MAML2: variants seen among roughly 807,000 people sequenced by gnomAD.
MAML2 encodes the protein mastermind-like protein 2.
A neutral mutation model predicts 96.1 loss-of-function variants in MAML2; 22 were observed. The ratio of observed to expected loss-of-function variants is 0.23; its 90% CI spans 0.16 to 0.33. MAML2 has a LOEUF of 0.33. MAML2 is among the 10% of genes least tolerant of loss of function. The pLI, the probability that MAML2 is intolerant of heterozygous loss-of-function variation, is 1.00. For synonymous variants in MAML2, 561 were observed against 521.3 expected (o/e 1.08, Z -1.04); for missense variants, 1,367 against 1,392.4 (o/e 0.98, Z 0.29).
intron 2 of MAML2, among the ~76,000 whole-genome samples, chr11:96,025,659 T>C (rs1858506483): frequency 6.6e-6 from 1 of 152,242 alleles, no homozygotes; most frequent in Admixed American, 6.5e-5. Context: ...GTTCAAGCGA[T>C]TCTCCTGCCT....
chr11:96,280,302 A>T (rs895089994), intron 1 of MAML2, among the ~76,000 whole-genome samples: 1 of 151,526 alleles, frequency 6.6e-6, no homozygotes. Context: ...TTATTTACTC[A>T]TTTTTTTTTA....
intron 1 of MAML2, among the ~76,000 whole-genome samples, chr11:96,291,735 C>T (rs79559991): frequency 1.5e-4 from 23 of 152,228 alleles, no homozygotes; most frequent in Middle Eastern, 3.4e-3. Flanking sequence ...TGTGTGTGCA[C>T]GCACACACAT....
intron 1 of MAML2, among the ~76,000 whole-genome samples, chr11:96,174,031 C>T (rs899842063): frequency 1.7e-4 from 26 of 152,192 alleles, no homozygotes; most frequent in Non-Finnish European, 2.9e-5. Context: ...AATGACTTCA[C>T]AAAAGGCGGC....
intron 1 of MAML2, among the ~76,000 whole-genome samples, chr11:96,173,068 T>A (rs920081056): frequency 6.6e-6 from 1 of 152,202 alleles, no homozygotes; most frequent in African/African-American, 2.4e-5. Flanking sequence ...TTACAAGCCA[T>A]CTCTTGCCAG....
chr11:96,212,030 T>A (rs760519191), intron 1 of MAML2, among the ~76,000 whole-genome samples: 3 of 151,534 alleles, frequency 2.0e-5, no homozygotes, highest in African/African-American at 4.9e-5. Context: ...ATAAAAATGA[T>A]TTGAAAACTG....
At chr11:96,183,037 A>G (rs1042496150) in intron 1 of MAML2, among the ~76,000 whole-genome samples, 1 of 149,126 alleles carries the variant, frequency 6.7e-6, no homozygotes, top group Non-Finnish European at 1.5e-5. Flanking sequence ...AGCTCACTGC[A>G]ACCTCTGCCT....
At chr11:96,000,862 G>A (rs1048293053) in intron 2 of MAML2, among the ~76,000 whole-genome samples, 2 of 152,006 alleles carry the variant, frequency 1.3e-5, no homozygotes, top group East Asian at 1.9e-4. Context: ...AAGTCTATTC[G>A]CTTGAAAGAA....
At chr11:96,240,716 T>C (rs1295169577) in intron 1 of MAML2, among the ~76,000 whole-genome samples, 1 of 152,138 alleles carries the variant, frequency 6.6e-6, no homozygotes, top group Non-Finnish European at 1.5e-5. Context: ...CTGTTCCAAA[T>C]AATTCTCTGA....
At chr11:96,159,407 CTTTT>C (rs760811590) in intron 1 of MAML2, among the ~76,000 whole-genome samples, 5 of 91,120 alleles carry the variant, frequency 5.5e-5, no homozygotes, top group Admixed American at 4.9e-4. Context: ...ACCACTGATT[CTTTT>C]TTTTTTTTTT....
chr11:96,050,271 G>A (rs1258973874), intron 2 of MAML2, among the ~76,000 whole-genome samples: 1 of 152,196 alleles, frequency 6.6e-6, no homozygotes, highest in Admixed American at 6.5e-5. Context: ...GGGACTGTCG[G>A]TAGGGGCTGA....
intron 2 of MAML2, among the ~76,000 whole-genome samples, chr11:96,047,589 C>T (rs903240567): frequency 6.6e-6 from 1 of 152,044 alleles, no homozygotes; most frequent in African/African-American, 2.4e-5. Flanking sequence ...TAATCTCCAT[C>T]AAGTATTAGA....
intron 4 of MAML2, among the ~76,000 whole-genome samples, chr11:95,980,352 A>G (rs1022941905): frequency 1.3e-5 from 2 of 152,066 alleles, no homozygotes; most frequent in Non-Finnish European, 2.9e-5. Context: ...GTTACTGTTT[A>G]CCCCAGGTCC....
intron 1 of MAML2, among the ~76,000 whole-genome samples, chr11:96,149,711 G>C (rs1292632616): frequency 6.6e-6 from 1 of 152,186 alleles, no homozygotes; most frequent in Non-Finnish European, 1.5e-5. Context: ...TCCAGCCCAG[G>C]CGACAGAGTG....
intron 1 of MAML2, among the ~76,000 whole-genome samples, chr11:96,321,753 A>G (rs1292045784): frequency 2.0e-5 from 3 of 152,232 alleles, no homozygotes; most frequent in Non-Finnish European, 4.4e-5. Flanking sequence ...CATATAAAAT[A>G]TGTGTGGCCA....
At chr11:96,075,877 G>A (rs950100808) in intron 2 of MAML2, among the ~76,000 whole-genome samples, 12 of 152,110 alleles carry the variant, frequency 7.9e-5, no homozygotes, top group African/African-American at 7.2e-5. Context: ...TTCAGATAGC[G>A]CCTTGCATAT....
chr11:96,241,614 T>C (rs906366491), intron 1 of MAML2, among the ~76,000 whole-genome samples: 2 of 152,212 alleles, frequency 1.3e-5, no homozygotes, highest in Admixed American at 1.3e-4. Context: ...CCTTGCCCTA[T>C]TGGCTTCTCT....
At chr11:96,025,125 A>G (rs1189735520) in intron 2 of MAML2, among the ~76,000 whole-genome samples, 1 of 152,206 alleles carries the variant, frequency 6.6e-6, no homozygotes, top group Non-Finnish European at 1.5e-5. Context: ...ACTATTCACA[A>G]TAGTAAAGAC....
chr11:96,058,349 G>A (rs1171978756), intron 2 of MAML2, among the ~76,000 whole-genome samples: 6 of 152,064 alleles, frequency 3.9e-5, no homozygotes, highest in East Asian at 1.9e-4. Flanking sequence ...AGATGGAGTC[G>A]CACCCCGTTG....
intron 1 of MAML2, among the ~76,000 whole-genome samples, chr11:96,318,259 G>A (rs1863656740): frequency 1.3e-5 from 2 of 152,166 alleles, no homozygotes; most frequent in African/African-American, 2.4e-5. Flanking sequence ...TTTTAGAGAT[G>A]AGATGACAAA....
Sources: gnomAD v4.1 joint callset for allele counts (sites outside exome capture counted in the v4.1 genomes callset) on GRCh38, gnomAD v4.1.1 for gene constraint, MANE v1.5 for transcripts, NCBI Gene and HGNC (gene_info 2026-07-23, HGNC 2026-07-21) for gene names.